Variants in CDK6 observed in about 807,000 individuals in gnomAD.
CDK6 encodes the protein cyclin dependent kinase 6.
A neutral mutation model predicts 37.1 loss-of-function variants in CDK6; 6 were observed. That is an observed-to-expected ratio of 0.16 (90% CI 0.09 to 0.32). The LOEUF (loss-of-function observed/expected upper bound fraction) is 0.32. Among genes scored for constraint, CDK6 ranks in the 10% least tolerant of loss-of-function variants. The pLI is 1.00. For missense variants in CDK6, 224 were observed against 418.9 expected (o/e 0.53, Z 4.06); for synonymous variants, 160 against 161.3 (o/e 0.99, Z 0.06).
chr7:92,689,799 ATTTTTGAC>A (rs1562936806), intron 4 of CDK6, among the ~76,000 whole-genome samples: 1 of 152,046 alleles, frequency 6.6e-6, no homozygotes, highest in African/African-American at 2.4e-5. Flanking sequence ...AGCATCTGTT[ATTTTTGAC>A]TTTTTAATAA....
In CDK6 at chr7:92,606,532, G is replaced by A; in HGVS notation, c.*8608C>T. 1 of 233,286 alleles carries A rather than the reference G, an allele frequency of 4.3e-6. No individual in the cohort carries two copies. The highest frequency in any genetic ancestry group is 1.8e-4 in the South Asian group (1 of 5,538). The allele number at this position is 233,286 out of a possible 1,614,324, so 14.5% of individuals were successfully genotyped here. A position where few individuals can be genotyped will look rare whatever the true frequency, so the allele number is the denominator to read the frequency against. ...GAGGTGTGGGGATGTTGGTCATCTT[G>A]GGCTGGTTCACACAGCCTAGATGAG... On this transcript the variant is annotated 3_prime_UTR_variant, in exon 8 of 8. Transcript: ENST00000424848.
At chr7:92,652,919 T>C (rs1796608784) in intron 5 of CDK6, among the ~76,000 whole-genome samples, 1 of 152,236 alleles carries the variant, frequency 6.6e-6, no homozygotes, top group Admixed American at 6.5e-5. Flanking sequence ...AATCCTTGCA[T>C]CACTAAACTT....
chr7:92,615,162 G>A lies in CDK6; in HGVS notation c.959C>T (p.Thr320Ile). 1 of 1,613,990 alleles carries A rather than the reference G, an allele frequency of 6.2e-7. No homozygotes were observed. The highest frequency in any genetic ancestry group is 8.5e-7 in the Non-Finnish European group (1 of 1,180,032). ...LDSHLPPSQN[T>I]SELNTA ...GCCTCAGGCTGTATTCAGCTCCGAG[G>A]TGTTCTGGCTGGGCGGCAGGTGGGA... is the stretch of plus-strand genomic sequence containing the variant. The change falls in exon 8 of 8, where the codon ACC becomes ATC. Residue 320 changes from threonine to isoleucine, a missense_variant. Physicochemically the swap from Thr to Ile is moderately conservative, Grantham distance 89 (BLOSUM62 -1). Coordinates refer to ENST00000424848, the MANE Select transcript of CDK6 (RefSeq NM_001145306.2).
chr7:92,714,790 G>GT lies in CDK6; in HGVS notation c.537+10835dup, dbSNP rs3831550. 2.3e-3 allele frequency among the ~76,000 whole-genome samples: 341 copies of GT among 147,378 alleles called. 1 individual carries two copies. Among genetic ancestry groups the GT allele is most frequent in the African/African-American group, 3.8e-3 (154 of 40,418 alleles). On this transcript the variant is annotated intron_variant, in intron 4 of 7. Transcript: ENST00000424848. ...TGCTTTACTTTATAAAAGTTTTACA[G>GT]TTTTTTTTTTTCTTTTTCTAATCTG...
rs967830564 is a variant in CDK6 at position 92,607,309 on chromosome 7, C to T, written c.*7831G>A. ...ACTGGTCTCTGCCTGGCATCTATTC[C>T]GAGGGCCACCTGGCACAGTTTCTAA... is the stretch of plus-strand genomic sequence containing the variant. On this transcript the variant is annotated 3_prime_UTR_variant, in exon 8 of 8. Coordinates refer to ENST00000424848, the MANE Select transcript of CDK6 (RefSeq NM_001145306.2). The T allele has an allele frequency of 1.7e-5, 4 of 233,500 alleles. No homozygotes were observed. Among genetic ancestry groups the T allele is most frequent in the Admixed American group, 5.6e-5 (1 of 17,784 alleles). The allele number at this position is 233,500 out of a possible 1,614,324, so 14.5% of individuals were successfully genotyped here. A position where few individuals can be genotyped will look rare whatever the true frequency, so the allele number is the denominator to read the frequency against.
intron 3 of CDK6, among the ~76,000 whole-genome samples, chr7:92,771,150 C>T (rs1337048444): frequency 1.3e-5 from 2 of 151,072 alleles, no homozygotes; most frequent in African/African-American, 2.4e-5. Context: ...GCAGGAGAAT[C>T]GCTTGAACCT....
chr7:92,682,696 A>G (rs1797364462), intron 4 of CDK6, among the ~76,000 whole-genome samples: 1 of 152,234 alleles, frequency 6.6e-6, no homozygotes, highest in South Asian at 2.1e-4. Context: ...GTTACAGGAT[A>G]AGGAGGGATA....
chr7:92,723,749 G>A (rs1798420752), intron 4 of CDK6, among the ~76,000 whole-genome samples: 1 of 151,938 alleles, frequency 6.6e-6, no homozygotes, highest in African/African-American at 2.4e-5. Context: ...GAAATATAAA[G>A]CATGCAGTAT....
At chr7:92,664,153 T>TA (rs568541023) in intron 5 of CDK6, among the ~76,000 whole-genome samples, 35 of 123,924 alleles carry the variant, frequency 2.8e-4, no homozygotes, top group African/African-American at 5.2e-4. Flanking sequence ...AAAAATAAAA[T>TA]AAAAAAAAAG....
chr7:92,649,917 T>C (rs917370165), intron 5 of CDK6, among the ~76,000 whole-genome samples: 1 of 152,186 alleles, frequency 6.6e-6, no homozygotes, highest in Non-Finnish European at 1.5e-5. Context: ...TTAGGAACCA[T>C]AAATAACAAC....
chr7:92,648,281 G>T (rs1796495736), intron 5 of CDK6, among the ~76,000 whole-genome samples: 1 of 152,174 alleles, frequency 6.6e-6, no homozygotes, highest in African/African-American at 2.4e-5. Context: ...CAGCATTCAT[G>T]AAACTGTGGT....
intron 4 of CDK6, among the ~76,000 whole-genome samples, chr7:92,686,712 T>C (rs1585399118): frequency 6.6e-6 from 1 of 152,188 alleles, no homozygotes; most frequent in East Asian, 1.9e-4. Context: ...CACACTGTTT[T>C]CTATAGTGAT....
chr7:92,827,980 G>GT (rs1453304739), intron 2 of CDK6, among the ~76,000 whole-genome samples: 1 of 151,944 alleles, frequency 6.6e-6, no homozygotes, highest in Non-Finnish European at 1.5e-5. Flanking sequence ...TAACCAGAAT[G>GT]TTACATAATG....
At chr7:92,626,584 G>A (rs1795932916) in intron 5 of CDK6, among the ~76,000 whole-genome samples, 1 of 152,104 alleles carries the variant, frequency 6.6e-6, no homozygotes, top group African/African-American at 2.4e-5. Flanking sequence ...TAATTTGGCA[G>A]GGGTTTACTG....
chr7:92,671,613 A>G, intron 4 of CDK6, 78 bp from the exon 5 acceptor site: 1 of 709,486 alleles, frequency 1.4e-6, no homozygotes, highest in Non-Finnish European at 2.3e-6. Flanking sequence ...TGGTGGTTTA[A>G]TGACAAGATG....
rs1479181745 is a variant in CDK6, at chr7:92,778,946, T to TATATATATATATATATATATAA, written c.234-4116_234-4115insTTATATATATATATATATATAT. On this transcript the variant is annotated intron_variant, in intron 2 of 7. Coordinates refer to ENST00000424848, the MANE Select transcript of CDK6 (RefSeq NM_001145306.2). ...TATCATATATATATATATATATATA[T>TATATATATATATATATATATAA]AAGATATTATAGTAATTTCCAAAAG... 4.1e-3 allele frequency among the ~76,000 whole-genome samples: 547 copies of TATATATATATATATATATATAA among 134,862 alleles called. 39 individuals are homozygous for TATATATATATATATATATATAA. The highest frequency in any genetic ancestry group is 0.012 in the African/African-American group (398 of 33,446). The allele number at this position is 134,862 out of a possible 152,430, so 88.5% of individuals were successfully genotyped here. A position where few individuals can be genotyped will look rare whatever the true frequency, so the allele number is the denominator to read the frequency against.
intron 4 of CDK6, among the ~76,000 whole-genome samples, chr7:92,711,508 G>T (rs1798091335): frequency 1.4e-5 from 2 of 141,642 alleles, no homozygotes; most frequent in Non-Finnish European, 3.0e-5. Context: ...AAGGATCATT[G>T]AGGATTTTCC....
intron 2 of CDK6, among the ~76,000 whole-genome samples, chr7:92,786,066 T>C (rs1425802239): frequency 3.3e-5 from 5 of 152,224 alleles, no homozygotes; most frequent in Non-Finnish European, 4.4e-5. Context: ...CGAACAGCTC[T>C]GGCTTAAGTC....
chr7:92,616,332 C>T (rs576782019), intron 7 of CDK6, among the ~76,000 whole-genome samples: 2 of 152,260 alleles, frequency 1.3e-5, no homozygotes, highest in South Asian at 2.1e-4. Context: ...AATATTCTAT[C>T]GAAGGCTACT....
Sources: gnomAD v4.1 joint callset for allele counts (sites outside exome capture counted in the v4.1 genomes callset) on GRCh38, gnomAD v4.1.1 for gene constraint, MANE v1.5 for transcripts, NCBI Gene and HGNC (gene_info 2026-07-23, HGNC 2026-07-21) for gene names.